Variants in IGSF10 observed in about 807,000 individuals in gnomAD.
IGSF10 encodes immunoglobulin superfamily member 10, also known as calvaria mechanical force protein 608.
IGSF10 carries 126 observed loss-of-function variants against 128.2 expected under a neutral mutation model. That is an observed-to-expected ratio of 0.98 (90% confidence interval 0.85 to 1.14). The LOEUF is 1.14. Ranked by LOEUF, IGSF10 falls within the 50% of genes most tolerant of loss-of-function variation. IGSF10 has a pLI of 0.00. For missense variants in IGSF10, 3,295 were observed against 3,149.8 expected, an observed-to-expected ratio of 1.05 and a Z score of -1.10; for synonymous variants, 1,185 against 1,146.2, an observed-to-expected ratio of 1.03 and a Z score of -0.68.
upstream of IGSF10, among the ~76,000 whole-genome samples, chr3:151,466,027 C>T (rs1031023518): frequency 2.6e-5 from 4 of 152,074 alleles, no homozygotes; most frequent in Non-Finnish European, 5.9e-5. Context: ...TATCATTTTC[C>T]TTTTTTTGTC....
At position 151,436,396 on chromosome 3, in the gene IGSF10, A is replaced by G; in HGVS notation, c.*293T>C. The stretch of plus-strand genomic sequence containing the variant: ...AGTTCATTTTTTTACTGAAAAATTC[A>G]GGTACATTAGCCATTTGTTATTTTA... On this transcript the variant is annotated 3_prime_UTR_variant, in exon 8 of 8. Transcript: ENST00000282466. The G allele has an allele frequency of 4.1e-6, 1 of 243,068 alleles. No individual in the cohort carries two copies. The highest frequency in any genetic ancestry group is 7.9e-6 in the Non-Finnish European group (1 of 126,108). The allele number at this position is 243,068 out of a possible 1,614,324, so 15.1% of individuals were successfully genotyped here.
chr3:151,604,347 A>G, the IGSF10 span, among the ~76,000 whole-genome samples: 1 of 152,114 alleles, frequency 6.6e-6, no homozygotes, highest in African/African-American at 2.4e-5. Flanking sequence ...GAACATAAAT[A>G]AGCTAATTTT....
chr3:151,589,377 C>A, the IGSF10 span, among the ~76,000 whole-genome samples: 32 of 152,194 alleles, frequency 2.1e-4, no homozygotes, highest in Non-Finnish European at 4.0e-4. Context: ...CACTAATTTT[C>A]CATCTGAAGA....
the IGSF10 span, among the ~76,000 whole-genome samples, chr3:151,568,380 C>T: frequency 4.8e-4 from 73 of 152,256 alleles, no homozygotes; most frequent in Admixed American, 9.8e-4. Context: ...ACAATGACCT[C>T]ATTTCTTTCA....
the IGSF10 span, chr3:151,499,887 C>T: frequency 6.6e-6 from 1 of 152,078 alleles, no homozygotes; most frequent in Non-Finnish European, 1.5e-5. Context: ...AGCAAATTAT[C>T]ATCAATTTAT....
At chr3:151,606,532 T>C in the IGSF10 span, among the ~76,000 whole-genome samples, 1 of 152,190 alleles carries the variant, frequency 6.6e-6, no homozygotes, top group South Asian at 2.1e-4. Flanking sequence ...GGGAGGAGAA[T>C]GAGTGGACAC....
Position 151,453,487 on chromosome 3 carries a change from C to T in IGSF10, c.612G>A (p.Met204Ile). The T allele has an allele frequency of 6.2e-7, 1 of 1,614,022 alleles. No individual in the cohort carries two copies. Among genetic ancestry groups the T allele is most frequent in the Non-Finnish European group, 8.5e-7 (1 of 1,179,924 alleles). The change falls in exon 5 of 8, where the codon ATG becomes ATA. Residue 204 changes from methionine (M) to isoleucine (I), a missense_variant. Transcript: ENST00000282466. ...TGTCTAGGTCAGGCATATAGGAGAC[C>T]ATCTCTTGAGGGAGGGAGGTCAGGA... The part of the protein sequence containing the change: ...DNFLTSLPQE[M>I]VSYMPDLDSL...
At chr3:151,505,044 C>A in the IGSF10 span, among the ~76,000 whole-genome samples, 1 of 152,160 alleles carries the variant, frequency 6.6e-6, no homozygotes, top group African/African-American at 2.4e-5. Flanking sequence ...TGCCTATTAC[C>A]CAGTTCCAAA....
the IGSF10 span, among the ~76,000 whole-genome samples, chr3:151,515,905 C>T: frequency 0.84 from 127,036 of 151,876 alleles, 53,228 homozygotes; most frequent in Middle Eastern, 0.95. Flanking sequence ...CATTCAATTG[C>T]CATTTTCATT....
the IGSF10 span, among the ~76,000 whole-genome samples, chr3:151,617,545 T>G: frequency 9.9e-5 from 15 of 151,904 alleles, no homozygotes; most frequent in African/African-American, 2.9e-4. Flanking sequence ...TCAAGATGAA[T>G]TGTCACTTGA....
the IGSF10 span, among the ~76,000 whole-genome samples, chr3:151,615,240 A>G: frequency 2.6e-5 from 4 of 152,114 alleles, no homozygotes; most frequent in Admixed American, 6.5e-5. Flanking sequence ...TTTGTGAGTT[A>G]TAGCTATGAA....
upstream of IGSF10, chr3:151,461,502 C>A (rs1722059082): frequency 1.2e-6 from 1 of 843,940 alleles, no homozygotes; most frequent in Admixed American, 6.2e-5. Context: ...TTAAGGTATA[C>A]AACATGTTAT....
the IGSF10 span, among the ~76,000 whole-genome samples, chr3:151,607,456 A>G: frequency 2.0e-5 from 3 of 152,190 alleles, no homozygotes; most frequent in Non-Finnish European, 2.9e-5. Context: ...GGGCGTTTAA[A>G]TGATAAATTC....
chr3:151,522,101 G>T, the IGSF10 span, among the ~76,000 whole-genome samples: 10 of 152,132 alleles, frequency 6.6e-5, no homozygotes, highest in East Asian at 1.5e-3. Flanking sequence ...AAACCTAGAA[G>T]AGATGGCTAC....
Position 151,453,781 on chromosome 3 carries a change from A to G in IGSF10, c.325-7T>C, listed in dbSNP as rs1721640520. ...TATAGCTCATTTTTAAGACCTATGA[A>G]TTAAAAAAAAGAACATATTTATGTT... On this transcript the variant is annotated splice_polypyrimidine_tract_variant and splice_region_variant and intron_variant, in intron 4 of 7. Transcript: ENST00000282466. 2 of 1,455,492 alleles carry G rather than the reference A, an allele frequency of 1.4e-6. No homozygotes were observed. Among genetic ancestry groups the G allele is most frequent in the Admixed American group, 4.6e-5 (2 of 43,810 alleles). The allele number at this position is 1,455,492 out of a possible 1,614,324, so 90.2% of individuals were successfully genotyped here.
chr3:151,437,784 A>G lies in IGSF10; in HGVS notation c.6777T>C (p.Phe2259=), dbSNP rs1391763513. ...ATGGTGTCCCTTCAGCTCTGCAGTCAAAGTGTTTTTTGGAATGTCTCACAG... is the reference window on the plus strand; with the variant it reads ...ATGGTGTCCCTTCAGCTCTGCAGTCGAAGTGTTTTTTGGAATGTCTCACAG... ...ATAVRHSKKH[F]DCRAEGTPSP... Residue 2259 remains phenylalanine (F), a synonymous_variant, in exon 8 of 8, where the codon TTT becomes TTC. Transcript: ENST00000282466. 5 of 1,613,748 alleles carry G rather than the reference A, an allele frequency of 3.1e-6. No homozygotes were observed. Among genetic ancestry groups the G allele is most frequent in the African/African-American group, 1.3e-5 (1 of 74,922 alleles).
the IGSF10 span, chr3:151,499,835 TA>T: frequency 6.6e-6 from 1 of 152,120 alleles, no homozygotes; most frequent in Non-Finnish European, 1.5e-5. Context: ...AATGTACATC[TA>T]AGGACTTGAT....
the IGSF10 span, among the ~76,000 whole-genome samples, chr3:151,602,763 G>A: frequency 8.5e-5 from 13 of 152,170 alleles, no homozygotes; most frequent in Admixed American, 7.2e-4. Context: ...CTTTTAAGTG[G>A]CCAGGAACCT....
chr3:151,433,901 A>C (rs1351547856), downstream of IGSF10: 1 of 152,688 alleles, frequency 6.5e-6, no homozygotes, highest in African/African-American at 2.4e-5. Context: ...GCACAAGTAA[A>C]TTATACATCA....
Sources: gnomAD v4.1 joint callset for allele counts (sites outside exome capture counted in the v4.1 genomes callset) on GRCh38, gnomAD v4.1.1 for gene constraint, MANE v1.5 for transcripts, NCBI Gene and HGNC (gene_info 2026-07-23, HGNC 2026-07-21) for gene names.